The following CXCL16 variants were observed in gnomAD, a reference collection of about 807,000 sequenced individuals.
CXCL16 encodes C-X-C motif chemokine ligand 16, also known as C-X-C motif chemokine 16.
Under a neutral mutation model 23.8 loss-of-function variants are expected in CXCL16, and 18 were observed. The ratio of observed to expected loss-of-function variants is 0.76; its 90% CI spans 0.52 to 1.12. The LOEUF is 1.12. Among genes scored for constraint, CXCL16 ranks in the 50% most tolerant of loss-of-function variants. The probability of loss-of-function intolerance (pLI) is 0.00; values close to 1 mark genes in which losing one functional copy is unlikely to be tolerated. For synonymous variants in CXCL16, 123 were observed against 132.5 expected, an observed-to-expected ratio of 0.93 and a Z score of 0.49; for missense variants, 297 against 315.4, an observed-to-expected ratio of 0.94 and a Z score of 0.44.
rs1023602052 is a variant in CXCL16, at chr17:4,739,640, G to C, written c.-301C>G. 1.4e-6 allele frequency: 1 copy of C among 691,946 alleles called. No individual in the cohort carries two copies. The highest frequency in any genetic ancestry group is 1.9e-5 in the African/African-American group (1 of 52,110). The allele number at this position is 691,946 out of a possible 1,614,324, so 42.9% of individuals were successfully genotyped here. A position where few individuals can be genotyped will look rare whatever the true frequency, so the allele number is the denominator to read the frequency against. Reference sequence around the variant, plus strand: ...CCGTCGAGGGAAGGCCAGGAATCTTGGAAGAAACCGAAAGAAAACTCCGGC... The same window carrying C: ...CCGTCGAGGGAAGGCCAGGAATCTTCGAAGAAACCGAAAGAAAACTCCGGC... On this transcript the variant is annotated 5_prime_UTR_variant, in exon 1 of 6. Transcript: ENST00000293778. The surrounding 1 kb of genome is among the most constrained non-coding windows in gnomAD (Gnocchi z 5.3).
Position 4,739,092 on chromosome 17 carries a change from G to T in CXCL16, c.79+169C>A, listed in dbSNP as rs1480091385. 1 of 1,190,456 alleles carries T rather than the reference G, an allele frequency of 8.4e-7. No individual in the cohort carries two copies. Among genetic ancestry groups the T allele is most frequent in the Non-Finnish European group, 1.2e-6 (1 of 858,576 alleles). 73.7% of individuals were successfully genotyped at this position (1,190,456 alleles called of 1,614,324 possible). Reference sequence around the variant, plus strand: ...CCCGACAACATCCATAATCCCGCCCGGAGCCAGGCGTCCCCGGGCCTCTGT... The same window carrying T: ...CCCGACAACATCCATAATCCCGCCCTGAGCCAGGCGTCCCCGGGCCTCTGT... On this transcript the variant is annotated intron_variant, in intron 1 of 5. Coordinates refer to ENST00000293778, the MANE Select transcript of CXCL16 (RefSeq NM_001386809.1). The surrounding 1 kb of genome is among the most constrained non-coding windows in gnomAD (Gnocchi z 5.3).
At position 4,739,753 on chromosome 17, in the gene CXCL16, CTG is replaced by C; in HGVS notation, c.-416_-415del. 1 of 1,065,886 alleles carries C rather than the reference CTG, an allele frequency of 9.4e-7. No individual in the cohort carries two copies. The highest frequency in any genetic ancestry group is 1.1e-6 in the Non-Finnish European group (1 of 872,470). The allele number at this position is 1,065,886 out of a possible 1,614,324, so 66.0% of individuals were successfully genotyped here. ...CCGCCCGCCTGGCCCGTCCGCCGAC[CTG>C]TGAGGCGGCTGCACTGCCGGACCGG... On this transcript the variant is annotated 5_prime_UTR_variant, in exon 1 of 6. An upstream open reading frame in the 5' UTR loses its in-frame stop. Transcript: ENST00000293778. The surrounding 1 kb of genome is among the most constrained non-coding windows in gnomAD (Gnocchi z 5.3).
chr17:4,735,827 A>G (rs1473251617), intron 3 of CXCL16, among the ~76,000 whole-genome samples: 1 of 152,062 alleles, frequency 6.6e-6, no homozygotes, highest in East Asian at 1.9e-4. Flanking sequence ...TAATCCCAGC[A>G]CTTTGGGAGG....
chr17:4,735,665 T>C (rs1916135889), intron 3 of CXCL16, among the ~76,000 whole-genome samples, 157 bp from the exon 4 acceptor site: 1 of 152,042 alleles, frequency 6.6e-6, no homozygotes, highest in Non-Finnish European at 1.5e-5. Context: ...GAGAAAAGCC[T>C]AACATTTATT....
chr17:4,739,857 G>A lies in CXCL16; in HGVS notation c.-518C>T. On this transcript the variant is annotated 5_prime_UTR_variant, in exon 1 of 6. Transcript: ENST00000293778. This position sits in a 1 kb window ranked among gnomAD's most constrained non-coding sequence, Gnocchi z 5.3. ...CAGCCGCGCTGCATGAGCCTCCCGG[G>A]CGGCCCGGTGGAGAGAGTCGCCGCC... 1.0e-6 allele frequency: 1 copy of A among 987,062 alleles called. No individual in the cohort carries two copies. The highest frequency in any genetic ancestry group is 1.2e-6 in the Non-Finnish European group (1 of 830,994). 61.1% of individuals were successfully genotyped at this position (987,062 alleles called of 1,614,324 possible).
Position 4,734,083 on chromosome 17 carries a change from C to T in CXCL16, c.*420G>A, listed in dbSNP as rs141539546. 0.015 allele frequency: 2,318 copies of T among 156,712 alleles called. 58 individuals carry two copies. The highest frequency in any genetic ancestry group is 0.05 in the African/African-American group (2,072 of 41,532). The allele number at this position is 156,712 out of a possible 1,614,324, so 9.7% of individuals were successfully genotyped here. A position where few individuals can be genotyped will look rare whatever the true frequency, so the allele number is the denominator to read the frequency against. On this transcript the variant is annotated 3_prime_UTR_variant, in exon 6 of 6. Transcript: ENST00000293778. The stretch of plus-strand genomic sequence containing the variant: ...AATTAGCCGGGTGTGGTGGTGAGCA[C>T]CTGTAGTCCCAGCTACTCAGGAGGA...
intron 3 of CXCL16, among the ~76,000 whole-genome samples, chr17:4,736,718 A>T (rs1337095935): frequency 6.6e-6 from 1 of 152,248 alleles, no homozygotes; most frequent in Non-Finnish European, 1.5e-5. Context: ...TTTAGCTAGG[A>T]CATGGAAGAA....
Position 4,739,055 on chromosome 17 carries a change from C to A in CXCL16, c.80-135G>T. 4.9e-6 allele frequency: 6 copies of A among 1,224,792 alleles called. No homozygotes were observed. The highest frequency in any genetic ancestry group is 6.8e-6 in the Non-Finnish European group (6 of 888,026). 75.9% of individuals were successfully genotyped at this position (1,224,792 alleles called of 1,614,324 possible). ...GTCAGAGCGCCAGGCTCAACCCACA[C>A]ATCATCACGCCCCCGACAACATCCA... On this transcript the variant is annotated intron_variant, in intron 1 of 5. Coordinates refer to ENST00000293778, the MANE Select transcript of CXCL16 (RefSeq NM_001386809.1). The surrounding 1 kb of genome is among the most constrained non-coding windows in gnomAD (Gnocchi z 5.3).
chr17:4,738,902 C>T lies in CXCL16; in HGVS notation c.98G>A (p.Ser33Asn), dbSNP rs758903231. 66 of 1,613,954 alleles carry T rather than the reference C, an allele frequency of 4.1e-5. No homozygotes were observed. Among genetic ancestry groups the T allele is most frequent in the Non-Finnish European group, 5.6e-5 (66 of 1,179,964 alleles). ...ACCACAATAACAACTTCCAGTGACG[C>T]TGCCCTCGTTGCCATTGCCTGCGCG... is the stretch of plus-strand genomic sequence containing the variant. ...LTQPGNGNEGSVTGSCYCGKR... is the reference protein window; with the variant it reads ...LTQPGNGNEGNVTGSCYCGKR... Residue 33 changes from serine to asparagine, a missense_variant, in exon 2 of 6, where the codon AGC (serine) becomes AAC (asparagine). Transcript: ENST00000293778. The surrounding 1 kb of genome is among the most constrained non-coding windows in gnomAD (Gnocchi z 4.0).
At chr17:4,735,041 T>A in intron 4 of CXCL16, 51 bp downstream of exon 4, 1 of 1,536,178 alleles carries the variant, frequency 6.5e-7, no homozygotes, top group Non-Finnish European at 8.8e-7. Flanking sequence ...TCAGGATGCC[T>A]GTCAGGAAGG....
rs548340528 is a variant in CXCL16 at position 4,734,461 on chromosome 17, G to A, written c.*42C>T. ...GACTCAGGAGTTCCATAACAGCCTGGGCAACATAGAGTCCGTCTCTAAAAA... is the reference window on the plus strand; with the variant it reads ...GACTCAGGAGTTCCATAACAGCCTGAGCAACATAGAGTCCGTCTCTAAAAA... On this transcript the variant is annotated 3_prime_UTR_variant, in exon 6 of 6. Coordinates refer to ENST00000293778, the MANE Select transcript of CXCL16 (RefSeq NM_001386809.1). The A allele has an allele frequency of 5.0e-5, 30 of 604,930 alleles. No homozygotes were observed. The Admixed American group carries it at 7.2e-4, about 15-fold the overall frequency. The allele number at this position is 604,930 out of a possible 1,614,324, so 37.5% of individuals were successfully genotyped here. A position where few individuals can be genotyped will look rare whatever the true frequency, so the allele number is the denominator to read the frequency against.
At position 4,738,416 on chromosome 17, in the gene CXCL16, T is replaced by C; in HGVS notation, c.293A>G (p.Asp98Gly). ...CAGTGGAAAAGTCTCACCTTTGAGA[T>C]CAAGACAGCTCATCAATTCCTGAAC... ...PWVQELMSCL[D>G]LKECGHAYSG... Residue 98 changes from aspartate to glycine, a missense_variant, in exon 3 of 6, where the codon GAT becomes GGT. By Grantham distance (94) the Asp-to-Gly change is moderately conservative. Coordinates refer to ENST00000293778, the MANE Select transcript of CXCL16 (RefSeq NM_001386809.1). The surrounding 1 kb of genome is among the most constrained non-coding windows in gnomAD (Gnocchi z 4.0). The C allele has an allele frequency of 6.2e-7, 1 of 1,613,614 alleles. No individual in the cohort carries two copies. Among genetic ancestry groups the C allele is most frequent in the Non-Finnish European group, 8.5e-7 (1 of 1,179,568 alleles).
At chr17:4,734,933 G>A (rs1434937986) in intron 4 of CXCL16, among the ~76,000 whole-genome samples, 159 bp downstream of exon 4, 4 of 152,152 alleles carry the variant, frequency 2.6e-5, no homozygotes, top group Non-Finnish European at 4.4e-5. Flanking sequence ...TACAGTCCCC[G>A]ACTGACTGTC....
Position 4,737,599 on chromosome 17 carries a change from AG to A in CXCL16, c.301+808del, listed in dbSNP as rs777491401. On this transcript the variant is annotated intron_variant, in intron 3 of 5. Transcript: ENST00000293778. ...TTAAAAAAAAAAAAAAAAAAAAAAA[AG>A]AAATGCATCAAGAAATAAGGTGATG... is the stretch of plus-strand genomic sequence containing the variant. Among the ~76,000 whole-genome samples the A allele has an allele frequency of 1.8e-3, 260 of 140,582 alleles. 2 individuals are homozygous for A. The highest frequency in any genetic ancestry group is 2.8e-3 in the Non-Finnish European group (181 of 63,886). The allele number at this position is 140,582 out of a possible 152,430, so 92.2% of individuals were successfully genotyped here.
intron 3 of CXCL16, among the ~76,000 whole-genome samples, chr17:4,735,837 G>C (rs6502820): frequency 0.18 from 28,131 of 152,094 alleles, 2,697 homozygotes; most frequent in Non-Finnish European, 0.22. Context: ...ACTTTGGGAG[G>C]CTGAGGTGGG....
rs1916216708 is a variant in CXCL16 at position 4,738,136 on chromosome 17, A to C, written c.301+272T>G. Among the ~76,000 whole-genome samples, 1 of 152,196 alleles carries C rather than the reference A, an allele frequency of 6.6e-6. No homozygotes were observed. The highest frequency in any genetic ancestry group is 3.2e-3 in the Middle Eastern group (1 of 316). On this transcript the variant is annotated intron_variant, in intron 3 of 5. Transcript: ENST00000293778. This position sits in a 1 kb window ranked among gnomAD's most constrained non-coding sequence, Gnocchi z 4.0. ...CAGAGTGAGACTCCATCTCAAAAAAATAAAATAAAATAGTACTTTGATTTC... is the reference window on the plus strand; with the variant it reads ...CAGAGTGAGACTCCATCTCAAAAAACTAAAATAAAATAGTACTTTGATTTC...
In CXCL16 at chr17:4,737,309, G is replaced by A. The variant is rs199579896; in HGVS notation, c.301+1099C>T. 1.2e-4 allele frequency among the ~76,000 whole-genome samples: 18 copies of A among 151,426 alleles called. 1 individual carries two copies. Among genetic ancestry groups the A allele is most frequent in the South Asian group, 6.2e-4 (3 of 4,806 alleles). The stretch of plus-strand genomic sequence containing the variant: ...AATGCATCAAGAGGCCGGGCACTGC[G>A]GTTCACACCTGTAATCCCAGCACTT... On this transcript the variant is annotated intron_variant, in intron 3 of 5. Transcript: ENST00000293778.
At chr17:4,735,602 C>T in intron 3 of CXCL16, 94 bp from the exon 4 acceptor site, 1 of 1,029,290 alleles carries the variant, frequency 9.7e-7, no homozygotes, top group Admixed American at 3.1e-5. Context: ...ATCTTTTCCT[C>T]ACCCATCGCA....
In CXCL16 at chr17:4,739,658, A is replaced by C; in HGVS notation, c.-319T>G. On this transcript the variant is annotated 5_prime_UTR_variant, in exon 1 of 6. Coordinates refer to ENST00000293778, the MANE Select transcript of CXCL16 (RefSeq NM_001386809.1). This position sits in a 1 kb window ranked among gnomAD's most constrained non-coding sequence, Gnocchi z 5.3. ...GAATCTTGGAAGAAACCGAAAGAAA[A>C]CTCCGGCGGCGGGCGAGGAGGGGCG... 9 of 679,976 alleles carry C rather than the reference A, an allele frequency of 1.3e-5. No individual in the cohort carries two copies. The highest frequency in any genetic ancestry group is 4.1e-5 in the Admixed American group (1 of 24,532). 42.1% of individuals were successfully genotyped at this position (679,976 alleles called of 1,614,324 possible).
Sources: gnomAD v4.1 joint callset for allele counts (sites outside exome capture counted in the v4.1 genomes callset) on GRCh38, gnomAD v4.1.1 for gene constraint, Gnocchi (gnomAD v3.1) non-coding constraint, MANE v1.5 for transcripts, NCBI Gene and HGNC (gene_info 2026-07-23, HGNC 2026-07-21) for gene names.